ATAT1: variants seen among roughly 807,000 people sequenced by gnomAD.
The protein encoded by ATAT1 is alpha-tubulin N-acetyltransferase 1.
ATAT1 carries 42 observed loss-of-function variants against 57.2 expected under a neutral mutation model. That is an observed-to-expected ratio of 0.73 (90% confidence interval 0.57 to 0.95). The LOEUF (loss-of-function observed/expected upper bound fraction) is 0.95, where lower values mean the gene tolerates loss of function less well. Ranked by LOEUF, ATAT1 falls within the 40% of genes least tolerant of loss-of-function variation. The pLI, the probability that ATAT1 is intolerant of heterozygous loss-of-function variation, is 0.00. For synonymous variants in ATAT1, 168 were observed against 187.1 expected, an observed-to-expected ratio of 0.90 and a Z score of 0.83; for missense variants, 454 against 523.7, an observed-to-expected ratio of 0.87 and a Z score of 1.30.
rs1190897520 is a variant in ATAT1, at chr6:30,646,547, G to A, written c.1134G>A (p.Pro378=). 1.3e-6 allele frequency: 2 copies of A among 1,586,430 alleles called. No homozygotes were observed. Among genetic ancestry groups the A allele is most frequent in the African/African-American group, 1.3e-5 (1 of 74,402 alleles). Residue 378 remains proline (P), a synonymous_variant, in exon 13 of 13, where the codon CCG becomes CCA. Coordinates refer to ENST00000330083, the MANE Select transcript of ATAT1 (RefSeq NM_001031722.4). ...TGCACACAGCTCCTCCACAGGCCCC[G>A]GCCCCGCCAGCCCAGTCCTGGACAG... is the stretch of plus-strand genomic sequence containing the variant.
At chr6:30,639,951 T>C (rs1273903790) in intron 6 of ATAT1, among the ~76,000 whole-genome samples, 1 of 151,816 alleles carries the variant, frequency 6.6e-6, no homozygotes, top group Non-Finnish European at 1.5e-5. Flanking sequence ...CTGGGCATCA[T>C]AGTGAGACCC....
chr6:30,630,607 G>A (rs1464981169), intron 6 of ATAT1, among the ~76,000 whole-genome samples: 1 of 150,960 alleles, frequency 6.6e-6, no homozygotes, highest in African/African-American at 2.4e-5. Flanking sequence ...CTGCACTCCA[G>A]CCTGAGCGAC....
At chr6:30,628,179 T>C in intron 5 of ATAT1, 34 bp downstream of exon 5, 2 of 1,588,454 alleles carry the variant, frequency 1.3e-6, no homozygotes, top group Non-Finnish European at 8.6e-7. Flanking sequence ...TCATCCAAAC[T>C]AGGGGCTCCT....
chr6:30,636,156 G>A (rs1025223857), intron 6 of ATAT1, among the ~76,000 whole-genome samples: 4 of 152,170 alleles, frequency 2.6e-5, no homozygotes, highest in Non-Finnish European at 4.4e-5. Context: ...GGATTTGAGT[G>A]CTATCTTGGG....
Position 30,646,341 on chromosome 6 carries a change from T to TA in ATAT1, c.1056-126dup, listed in dbSNP as rs147918585. Reference sequence around the variant, plus strand: ...GAGGTTTTAAATTTGGACATAGCACTAATGGTTCCAGCTTCATACCCATCA... The same window carrying TA: ...GAGGTTTTAAATTTGGACATAGCACTAAATGGTTCCAGCTTCATACCCATCA... On this transcript the variant is annotated intron_variant, in intron 12 of 12. Transcript: ENST00000330083. The TA allele has an allele frequency of 1.0e-4, 147 of 1,448,022 alleles. No homozygotes were observed. In the African/African-American group the frequency reaches 1.8e-3, roughly 18 times the overall value. The allele number at this position is 1,448,022 out of a possible 1,614,324, so 89.7% of individuals were successfully genotyped here.
intron 10 of ATAT1, among the ~76,000 whole-genome samples, chr6:30,645,565 C>T (rs916236461): frequency 7.5e-4 from 114 of 152,258 alleles, no homozygotes; most frequent in African/African-American, 2.3e-3. Flanking sequence ...AACCAAACAC[C>T]AGAGTACCCG....
At position 30,642,833 on chromosome 6, in the gene ATAT1, G is replaced by GCTC; in HGVS notation, c.755_756insTCC (p.Ala252_His253insPro). On this transcript the variant is annotated inframe_insertion, in exon 10 of 13. Coordinates refer to ENST00000330083, the MANE Select transcript of ATAT1 (RefSeq NM_001031722.4). ...GGCCCCTCGCCGCGCCACACCTCCAGCCCACCCACCCCCCCGCTCCAGCAG... is the reference window on the plus strand; with the variant it reads ...GGCCCCTCGCCGCGCCACACCTCCAGCTCCCCACCCACCCCCCCGCTCCAGCAG... The GCTC allele has an allele frequency of 9.1e-6, 14 of 1,537,872 alleles. No individual in the cohort carries two copies. The highest frequency in any genetic ancestry group is 6.9e-5 in the South Asian group (6 of 86,358).
chr6:30,642,831 C>CGGG lies in ATAT1; in HGVS notation c.752_753insGGG (p.Pro251_Ala252insGly). On this transcript the variant is annotated inframe_insertion, in exon 10 of 13. Coordinates refer to ENST00000330083, the MANE Select transcript of ATAT1 (RefSeq NM_001031722.4). ...AGGGCCCCTCGCCGCGCCACACCTC[C>CGGG]AGCCCACCCACCCCCCCGCTCCAGC... 2 of 1,583,202 alleles carry CGGG rather than the reference C, an allele frequency of 1.3e-6. No individual in the cohort carries two copies. The highest frequency in any genetic ancestry group is 1.7e-6 in the Non-Finnish European group (2 of 1,162,428).
intron 6 of ATAT1, among the ~76,000 whole-genome samples, chr6:30,632,109 A>C (rs947413715): frequency 6.6e-6 from 1 of 151,058 alleles, no homozygotes; most frequent in Admixed American, 6.6e-5. Flanking sequence ...TCTACTGAAA[A>C]TACCAAAATT....
At position 30,640,423 on chromosome 6, in the gene ATAT1, G is replaced by T. The variant is rs773787831; in HGVS notation, c.547+1G>T. 1 of 1,612,920 alleles carries T rather than the reference G, an allele frequency of 6.2e-7. No homozygotes were observed. The highest frequency in any genetic ancestry group is 8.5e-7 in the Non-Finnish European group (1 of 1,180,008). ...GAAGGCTTCTTTGCCCATCAACATC[G>T]TAAGTTTTTGCATTTTGTTGGTCAC... On this transcript the variant is annotated splice_donor_variant, in intron 7 of 12. Coordinates refer to ENST00000330083, the MANE Select transcript of ATAT1 (RefSeq NM_001031722.4). LOFTEE classifies it high-confidence loss of function.
At position 30,646,477 on chromosome 6, in the gene ATAT1, G is replaced by A; in HGVS notation, c.1064G>A (p.Ser355Asn). 2 of 1,582,438 alleles carry A rather than the reference G, an allele frequency of 1.3e-6. No individual in the cohort carries two copies. Among genetic ancestry groups the A allele is most frequent in the Non-Finnish European group, 1.7e-6 (2 of 1,162,892 alleles). Reference sequence around the variant, plus strand: ...ATCTCCCCACCTACCAGGTCTGCCAGTGAGGAGCAGGCCTTGTCACAGGAT... The same window carrying A: ...ATCTCCCCACCTACCAGGTCTGCCAATGAGGAGCAGGCCTTGTCACAGGAT... The change falls in exon 13 of 13, where the codon AGT becomes AAT. Residue 355 changes from serine (S) to asparagine (N), a missense_variant. By Grantham distance (46) the Ser-to-Asn change is conservative. This residue lies in a region of ATAT1 where 216 missense variants were observed against 222.2 expected (regional missense o/e 0.97). Coordinates refer to ENST00000330083, the MANE Select transcript of ATAT1 (RefSeq NM_001031722.4).
Position 30,627,011 on chromosome 6 carries a change from C to T in ATAT1, c.-193C>T, listed in dbSNP as rs371110803. The T allele has an allele frequency of 9.7e-4, 1,523 of 1,570,296 alleles. 2 individuals are homozygous for T. The highest frequency in any genetic ancestry group is 1.5e-3 in the East Asian group (66 of 42,748). ...CGGCCCGGTGACAGCTCAAACCCAC[C>T]CTCTGGCCCTTTTCTCCCGGTTCCT... On this transcript the variant is annotated 5_prime_UTR_variant, in exon 1 of 13. Coordinates refer to ENST00000330083, the MANE Select transcript of ATAT1 (RefSeq NM_001031722.4).
Position 30,627,214 on chromosome 6 carries a change from C to G in ATAT1, c.11C>G (p.Thr4Ser), listed in dbSNP as rs1301555692. 6.2e-7 allele frequency: 1 copy of G among 1,613,962 alleles called. No individual in the cohort carries two copies. The highest frequency in any genetic ancestry group is 1.7e-5 in the Admixed American group (1 of 60,012). ...TGTCCCAATCAAAGGATGTGGTTGA[C>G]CTGGCCTTTCTGCTTCCTCACAATA... Residue 4 changes from threonine to serine, a missense_variant, in exon 1 of 13, where the codon ACC (threonine) becomes AGC (serine). Physicochemically the swap from Thr to Ser is moderately conservative, Grantham distance 58. Transcript: ENST00000330083.
chr6:30,642,108 T>C, intron 8 of ATAT1, 68 bp from the exon 9 acceptor site: 1 of 1,609,200 alleles, frequency 6.2e-7, no homozygotes, highest in Non-Finnish European at 8.5e-7. Context: ...TGGGGTATAG[T>C]GGCTGGGAGG....
chr6:30,638,716 G>A (rs1464141386), intron 6 of ATAT1, among the ~76,000 whole-genome samples: 2 of 152,044 alleles, frequency 1.3e-5, no homozygotes, highest in African/African-American at 4.8e-5. Context: ...CACTGCAGCT[G>A]GAATCAGAAG....
intron 6 of ATAT1, among the ~76,000 whole-genome samples, chr6:30,637,742 C>T (rs1042608331): frequency 8.6e-5 from 13 of 151,486 alleles, no homozygotes; most frequent in Non-Finnish European, 2.9e-5. Flanking sequence ...CTTTGGAAGG[C>T]CAAGGCGGGC....
At chr6:30,632,558 C>T (rs1582781298) in intron 6 of ATAT1, among the ~76,000 whole-genome samples, 2 of 151,488 alleles carry the variant, frequency 1.3e-5, no homozygotes, top group Non-Finnish European at 1.5e-5. Context: ...GATAACAGAA[C>T]GAGACTCCAT....
chr6:30,637,586 G>A (rs191709838), intron 6 of ATAT1, among the ~76,000 whole-genome samples: 2 of 151,890 alleles, frequency 1.3e-5, no homozygotes, highest in East Asian at 3.9e-4. Flanking sequence ...AGGAGGCTGA[G>A]ACAGGAGAAG....
chr6:30,632,335 GAGGCCC>G (rs945597424), intron 6 of ATAT1, among the ~76,000 whole-genome samples: 2 of 151,712 alleles, frequency 1.3e-5, no homozygotes, highest in African/African-American at 4.9e-5. Flanking sequence ...AGCATTTTGG[GAGGCCC>G]AGGCAGGTGG....
Sources: allele counts gnomAD v4.1 joint callset (sites outside exome capture counted in the v4.1 genomes callset), GRCh38; gene constraint gnomAD v4.1.1; regional missense constraint gnomAD v4.1.1; transcripts MANE v1.5; gene names NCBI Gene and HGNC (gene_info 2026-07-23, HGNC 2026-07-21).